Variants in CCDC18 observed in about 807,000 individuals in gnomAD.
CCDC18 encodes coiled-coil domain containing 18.
A neutral mutation model predicts 196.0 loss-of-function variants in CCDC18; 157 were observed. The observed-to-expected ratio is 0.80, with a 90% CI of 0.70 to 0.91. CCDC18 has a LOEUF of 0.91. Among genes scored for constraint, CCDC18 ranks in the 40% least tolerant of loss-of-function variants. The pLI, the probability that CCDC18 is intolerant of heterozygous loss-of-function variation, is 0.00. For missense variants in CCDC18, 1,465 were observed against 1,611.6 expected, an observed-to-expected ratio of 0.91 and a Z score of 1.56; for synonymous variants, 482 against 529.2, an observed-to-expected ratio of 0.91 and a Z score of 1.22.
chr1:93,224,690 G>A (rs1479582606), intron 16 of CCDC18, among the ~76,000 whole-genome samples: 1 of 152,160 alleles, frequency 6.6e-6, no homozygotes, highest in Non-Finnish European at 1.5e-5. Context: ...ACTAACTTTG[G>A]GGTGAGTCTT....
rs919458733 is a variant in CCDC18, at chr1:93,212,321, T to A, written c.1495+60T>A. 3 of 1,175,592 alleles carry A rather than the reference T, an allele frequency of 2.6e-6. No homozygotes were observed. In the African/African-American group the frequency reaches 4.9e-5, roughly 19 times the overall value. 72.8% of individuals were successfully genotyped at this position (1,175,592 alleles called of 1,614,324 possible). ...CAGAGTTTTGGATGATAGTTTTTTT[T>A]TAAAAAAACTTTTATTTAAATTTTT... On this transcript the variant is annotated intron_variant, in intron 11 of 28. Coordinates refer to ENST00000690025, the MANE Select transcript of CCDC18 (RefSeq NM_001378204.1).
At chr1:93,201,656 T>A (rs1242799558) in intron 6 of CCDC18, among the ~76,000 whole-genome samples, 1 of 141,738 alleles carries the variant, frequency 7.1e-6, no homozygotes, top group Non-Finnish European at 1.5e-5. Flanking sequence ...TATATATATT[T>A]CGACATTTAT....
intron 10 of CCDC18, 125 bp downstream of exon 10, chr1:93,211,051 C>T (rs917711942): frequency 2.8e-5 from 26 of 917,812 alleles, no homozygotes; most frequent in Non-Finnish European, 3.8e-5. Context: ...CTGAGGCAGG[C>T]GGATCACGAG....
rs34139452 is a variant in CCDC18, at chr1:93,254,941, C to CTTTTTTTTTT, written c.3342+347_3342+356dup. 2.3e-4 allele frequency among the ~76,000 whole-genome samples: 10 copies of CTTTTTTTTTT among 44,290 alleles called. 3 individuals carry two copies. Among genetic ancestry groups the CTTTTTTTTTT allele is most frequent in the Non-Finnish European group, 2.6e-4 (7 of 27,118 alleles). The allele number at this position is 44,290 out of a possible 152,430, so 29.1% of individuals were successfully genotyped here. A position where few individuals can be genotyped will look rare whatever the true frequency, so the allele number is the denominator to read the frequency against. On this transcript the variant is annotated intron_variant, in intron 24 of 28. Coordinates refer to ENST00000690025, the MANE Select transcript of CCDC18 (RefSeq NM_001378204.1). The stretch of plus-strand genomic sequence containing the variant: ...CTATGTAATAGAATTGAGGAGTCAG[C>CTTTTTTTTTT]TTTTTTTTTTTTTTTTTTTTTTTTT...
chr1:93,192,031 C>A lies in CCDC18; in HGVS notation c.494C>A (p.Ala165Glu). 6.2e-7 allele frequency: 1 copy of A among 1,613,644 alleles called. No homozygotes were observed. Among genetic ancestry groups the A allele is most frequent in the Non-Finnish European group, 8.5e-7 (1 of 1,179,624 alleles). The change falls in exon 5 of 29, where the codon GCA becomes GAA. Residue 165 changes from alanine to glutamate, a missense_variant. Ala to Glu is a moderately radical substitution (Grantham distance 107). Transcript: ENST00000690025. ...VSMLESAQQQ[A>E]ASVPILEEQI... ...ATGCTTGAGTCTGCTCAACAGCAGG[C>A]AGCCAGTGTCCCAATCTTAGAAGAA...
In CCDC18 at chr1:93,225,509, G is replaced by C. The variant is rs561945006; in HGVS notation, c.2176-824G>C. 4.3e-4 allele frequency among the ~76,000 whole-genome samples: 65 copies of C among 152,272 alleles called. 2 individuals carry two copies. The South Asian group carries it at 0.013, about 31-fold the overall frequency. ...TTCTCACTTAAGGCCAGGCAAGGTG[G>C]CTCACACCTGTAATCCCAGCACTTT... On this transcript the variant is annotated intron_variant, in intron 16 of 28. Transcript: ENST00000690025.
At position 93,230,692 on chromosome 1, in the gene CCDC18, GT is replaced by G. The variant is rs1348708149; in HGVS notation, c.2293-1730del. On this transcript the variant is annotated intron_variant, in intron 17 of 28. Coordinates refer to ENST00000690025, the MANE Select transcript of CCDC18 (RefSeq NM_001378204.1). ...TTGTTATTATGTGGTAAGGCTTTGT[GT>G]TTTGGTTAGATCTTATTTTTTTCTT... is the stretch of plus-strand genomic sequence containing the variant. Among the ~76,000 whole-genome samples the G allele has an allele frequency of 1.9e-4, 29 of 152,158 alleles. 1 individual carries two copies. Among genetic ancestry groups the G allele is most frequent in the African/African-American group, 6.7e-4 (28 of 41,522 alleles).
intron 9 of CCDC18, among the ~76,000 whole-genome samples, chr1:93,209,986 A>C (rs1186063815): frequency 6.6e-6 from 1 of 152,096 alleles, no homozygotes; most frequent in Non-Finnish European, 1.5e-5. Context: ...GCTTGAGTCC[A>C]AGAGTTCGAG....
intron 28 of CCDC18, among the ~76,000 whole-genome samples, chr1:93,275,062 T>A (rs553876383): frequency 1.3e-5 from 2 of 152,280 alleles, no homozygotes; most frequent in East Asian, 3.9e-4. Context: ...CATTTATATG[T>A]ATGTTGCATT....
chr1:93,201,703 TAG>T (rs1225445018), intron 6 of CCDC18, among the ~76,000 whole-genome samples, 187 bp from the exon 7 acceptor site: 2 of 152,054 alleles, frequency 1.3e-5, no homozygotes, highest in East Asian at 3.9e-4. Flanking sequence ...TTCATATTGA[TAG>T]AGTGAGAAAA....
At chr1:93,248,952 G>A (rs1415317282) in intron 23 of CCDC18, among the ~76,000 whole-genome samples, 2 of 141,764 alleles carry the variant, frequency 1.4e-5, no homozygotes, top group African/African-American at 2.7e-5. Context: ...CAGCCTGGGC[G>A]ACAGAGTGAA....
In CCDC18 at chr1:93,184,163, C is replaced by T. The variant is rs1171879211; in HGVS notation, c.303+17C>T. ...AGAGATAAGGTTATTGTTTTTAGACCTATCTAGTTAAAAGAAGTTTTGGTT... is the reference window on the plus strand; with the variant it reads ...AGAGATAAGGTTATTGTTTTTAGACTTATCTAGTTAAAAGAAGTTTTGGTT... On this transcript the variant is annotated intron_variant, in intron 3 of 28. Transcript: ENST00000690025. The T allele has an allele frequency of 7.2e-7, 1 of 1,381,232 alleles. No individual in the cohort carries two copies. The highest frequency in any genetic ancestry group is 9.5e-7 in the Non-Finnish European group (1 of 1,050,190). 85.6% of individuals were successfully genotyped at this position (1,381,232 alleles called of 1,614,324 possible).
intron 28 of CCDC18, among the ~76,000 whole-genome samples, chr1:93,274,804 A>C (rs1665539307): frequency 6.6e-6 from 1 of 152,198 alleles, no homozygotes; most frequent in African/African-American, 2.4e-5. Context: ...ATTATCATGC[A>C]ATGCAGCAAG....
chr1:93,211,951 G>T, intron 10 of CCDC18, 150 bp from the exon 11 acceptor site: 1 of 628,834 alleles, frequency 1.6e-6, no homozygotes, highest in Non-Finnish European at 2.7e-6. Context: ...TTCTACAGTG[G>T]TATATGGGAG....
chr1:93,264,619 G>T (rs372095571), intron 26 of CCDC18, 82 bp from the exon 27 acceptor site: 17 of 759,826 alleles, frequency 2.2e-5, no homozygotes, highest in Non-Finnish European at 3.5e-5. Context: ...GTAAATAAAA[G>T]TAGAAAGCAT....
chr1:93,276,177 C>T (rs538147841), intron 28 of CCDC18, among the ~76,000 whole-genome samples: 21 of 152,348 alleles, frequency 1.4e-4, no homozygotes, highest in Middle Eastern at 3.4e-3. Context: ...GAAACCGATA[C>T]ATGAGAAGTG....
At position 93,183,970 on chromosome 1, in the gene CCDC18, T is replaced by G. The variant is rs1397103718; in HGVS notation, c.135-8T>G. Reference sequence around the variant, plus strand: ...AGAACTGAAATATGTTTTTTCTTTTTTCTCTAGTGTTAGTCCAAGTGAAAA... The same window carrying G: ...AGAACTGAAATATGTTTTTTCTTTTGTCTCTAGTGTTAGTCCAAGTGAAAA... On this transcript the variant is annotated splice_region_variant and splice_polypyrimidine_tract_variant and intron_variant, in intron 2 of 28. Transcript: ENST00000690025. 3 of 1,485,678 alleles carry G rather than the reference T, an allele frequency of 2.0e-6. No homozygotes were observed. Among genetic ancestry groups the G allele is most frequent in the Middle Eastern group, 1.8e-4 (1 of 5,618 alleles). 92.0% of individuals were successfully genotyped at this position (1,485,678 alleles called of 1,614,324 possible).
rs1441530102 is a variant in CCDC18 at position 93,236,398 on chromosome 1, G to A, written c.2603+8G>A. ...GCTTACTGGCACTGCCAGGTAAAAT[G>A]TGAATATGTTTTATTTACCTTCCCA... On this transcript the variant is annotated splice_region_variant and intron_variant, in intron 19 of 28. Coordinates refer to ENST00000690025, the MANE Select transcript of CCDC18 (RefSeq NM_001378204.1). The A allele has an allele frequency of 1.3e-6, 2 of 1,585,048 alleles. No individual in the cohort carries two copies. The highest frequency in any genetic ancestry group is 1.7e-6 in the Non-Finnish European group (2 of 1,170,690).
intron 16 of CCDC18, among the ~76,000 whole-genome samples, chr1:93,223,322 C>G (rs1657753794): frequency 6.6e-6 from 1 of 152,080 alleles, no homozygotes. Context: ...GGGGAAAAAT[C>G]AAAATGAGTA....
Sources: allele counts gnomAD v4.1 joint callset (sites outside exome capture counted in the v4.1 genomes callset), GRCh38; gene constraint gnomAD v4.1.1; transcripts MANE v1.5; gene names NCBI Gene and HGNC (gene_info 2026-07-23, HGNC 2026-07-21).